Variants in VPS26C observed in about 807,000 individuals in gnomAD.
VPS26C encodes vacuolar protein sorting-associated protein 26C.
A neutral mutation model predicts 30.6 loss-of-function variants in VPS26C; 19 were observed. That is an observed-to-expected ratio of 0.62 (90% CI 0.43 to 0.91). VPS26C has a LOEUF of 0.91. Ranked by LOEUF, VPS26C falls within the 40% of genes least tolerant of loss-of-function variation. The pLI is 0.00. For missense variants in VPS26C, 318 were observed against 385.1 expected (o/e 0.83, Z 1.46); for synonymous variants, 132 against 151.5 (o/e 0.87, Z 0.95).
At chr21:37,247,037 G>A (rs951015095) in intron 1 of VPS26C, among the ~76,000 whole-genome samples, 5 of 152,198 alleles carry the variant, frequency 3.3e-5, no homozygotes, top group Non-Finnish European at 5.9e-5. Context: ...TTACAGGTGT[G>A]AGCCACTGCA....
intron 1 of VPS26C, among the ~76,000 whole-genome samples, chr21:37,265,178 G>A (rs1681609671): frequency 6.6e-6 from 1 of 152,182 alleles, no homozygotes; most frequent in Non-Finnish European, 1.5e-5. Context: ...TTTCTTTTTG[G>A]GGTGAAAATG....
At position 37,227,315 on chromosome 21, in the gene VPS26C, C is replaced by T. The variant is rs148335011; in HGVS notation, c.811+339G>A. ...TCAGCGTCACCTGCCCATGTCTACA[C>T]GGAGCTCAGCGTCACCTGCCCATGT... is the stretch of plus-strand genomic sequence containing the variant. On this transcript the variant is annotated intron_variant, in intron 7 of 7. Transcript: ENST00000309117. The T allele has an allele frequency of 8.3e-3, 2,115 of 253,872 alleles. 15 individuals are homozygous for T. The highest frequency in any genetic ancestry group is 0.012 in the Non-Finnish European group (1,566 of 130,428). The allele number at this position is 253,872 out of a possible 1,614,324, so 15.7% of individuals were successfully genotyped here. A position where few individuals can be genotyped will look rare whatever the true frequency, so the allele number is the denominator to read the frequency against.
Position 37,233,163 on chromosome 21 carries a change from TG to T in VPS26C, c.432+198del. On this transcript the variant is annotated intron_variant, in intron 4 of 7. Transcript: ENST00000309117. This position sits in a 1 kb window ranked among gnomAD's most constrained non-coding sequence, Gnocchi z 5.2. ...AGTCCCTCTGGCCCGCGGCCTCAGC[TG>T]GGGGACTCTGGGCCCAGGACAATGA... 1 of 548,816 alleles carries T rather than the reference TG, an allele frequency of 1.8e-6. No homozygotes were observed. The highest frequency in any genetic ancestry group is 3.3e-6 in the Non-Finnish European group (1 of 304,894). The allele number at this position is 548,816 out of a possible 1,614,324, so 34.0% of individuals were successfully genotyped here. A position where few individuals can be genotyped will look rare whatever the true frequency, so the allele number is the denominator to read the frequency against.
At chr21:37,242,181 G>A (rs1350972234) in intron 1 of VPS26C, among the ~76,000 whole-genome samples, 4 of 152,184 alleles carry the variant, frequency 2.6e-5, no homozygotes, top group Admixed American at 6.5e-5. Flanking sequence ...TTAATTTAAT[G>A]TTCCTAAAAA....
intron 1 of VPS26C, among the ~76,000 whole-genome samples, chr21:37,249,566 A>G (rs1368577335): frequency 6.6e-6 from 1 of 152,270 alleles, no homozygotes; most frequent in African/African-American, 2.4e-5. Context: ...GAAAATTTGA[A>G]GAAATGGCCA....
chr21:37,232,075 C>T, intron 5 of VPS26C: 1 of 370,680 alleles, frequency 2.7e-6, no homozygotes, highest in Non-Finnish European at 4.9e-6. Context: ...AGGGACGTGG[C>T]CGTGTCATGG....
At chr21:37,240,966 G>A (rs1367552748) in intron 1 of VPS26C, among the ~76,000 whole-genome samples, 2 of 152,192 alleles carry the variant, frequency 1.3e-5, no homozygotes, top group Admixed American at 6.5e-5. Context: ...CAAGGAGAAG[G>A]GCCAGGGCAA....
chr21:37,267,240 CG>C lies in VPS26C; in HGVS notation c.54del (p.Glu20LysfsTer22). The C allele has an allele frequency of 1.9e-6, 3 of 1,611,216 alleles. No homozygotes were observed. The highest frequency in any genetic ancestry group is 2.5e-6 in the Non-Finnish European group (3 of 1,177,740). The part of the protein sequence containing the change: ...KIKRANKVYH[A>X]GEVLSGVVVI... ...CCCCACCCCCAGCCCCCACTTACCC[CG>C]GCGTGATAAACTTTATTCGCTCTTT... On this transcript the variant is annotated frameshift_variant, in exon 1 of 8. Transcript: ENST00000309117. LOFTEE classifies it high-confidence loss of function.
intron 1 of VPS26C, among the ~76,000 whole-genome samples, chr21:37,253,584 A>G (rs946770508): frequency 5.9e-5 from 9 of 152,254 alleles, no homozygotes; most frequent in Non-Finnish European, 8.8e-5. Flanking sequence ...GTAAACATTA[A>G]TAAAAGTAAG....
intron 1 of VPS26C, among the ~76,000 whole-genome samples, chr21:37,255,219 G>A (rs547602333): frequency 2.1e-3 from 313 of 152,060 alleles, no homozygotes; most frequent in Non-Finnish European, 3.9e-3. Flanking sequence ...TCTGCCCATC[G>A]GTTCCTAATT....
At chr21:37,255,030 AG>A (rs1034357072) in intron 1 of VPS26C, among the ~76,000 whole-genome samples, 1 of 152,202 alleles carries the variant, frequency 6.6e-6, no homozygotes, top group African/African-American at 2.4e-5. Flanking sequence ...GCAGAGGAGA[AG>A]GGGCAGAAGA....
chr21:37,244,386 C>A (rs1028649193), intron 1 of VPS26C, among the ~76,000 whole-genome samples: 3 of 152,212 alleles, frequency 2.0e-5, no homozygotes, highest in African/African-American at 7.2e-5. Flanking sequence ...TACAGGCATG[C>A]ACCACCACAC....
At chr21:37,250,793 G>A (rs1306524903) in intron 1 of VPS26C, among the ~76,000 whole-genome samples, 7 of 151,514 alleles carry the variant, frequency 4.6e-5, no homozygotes, top group South Asian at 2.1e-4. Flanking sequence ...CCAGCTACTC[G>A]GGAGGCTGAG....
chr21:37,226,958 A>G lies in VPS26C; in HGVS notation c.811+696T>C, dbSNP rs1297728645. On this transcript the variant is annotated intron_variant, in intron 7 of 7. Coordinates refer to ENST00000309117, the MANE Select transcript of VPS26C (RefSeq NM_006052.2). This position sits in a 1 kb window ranked among gnomAD's most constrained non-coding sequence, Gnocchi z 4.1. ...TTCTTATTAAGATGGAGGTCCCATT[A>G]CAATATTTATAGGAAGAGTTAAAAA... The G allele has an allele frequency of 1.3e-5, 2 of 152,272 alleles. No homozygotes were observed. The allele number at this position is 152,272 out of a possible 1,614,324, so 9.4% of individuals were successfully genotyped here. A position where few individuals can be genotyped will look rare whatever the true frequency, so the allele number is the denominator to read the frequency against.
chr21:37,232,736 T>C (rs2085978974), intron 4 of VPS26C: 5 of 520,856 alleles, frequency 9.6e-6, no homozygotes, highest in Non-Finnish European at 1.7e-5. Flanking sequence ...AACAGTGTTA[T>C]TGGCAAGTAC....
chr21:37,238,386 G>A (rs753522414), intron 3 of VPS26C, 74 bp downstream of exon 3: 7 of 1,543,144 alleles, frequency 4.5e-6, no homozygotes, highest in Non-Finnish European at 6.2e-6. Flanking sequence ...GTCTACTAAC[G>A]TTGAGAGAAA....
chr21:37,235,845 G>T (rs2086015042), intron 3 of VPS26C, among the ~76,000 whole-genome samples: 1 of 71,792 alleles, frequency 1.4e-5, no homozygotes, highest in African/African-American at 6.5e-5. Context: ...GTGTGTATAT[G>T]TGTGTGTATA....
At chr21:37,255,850 C>CTTTTTTTTTTTTTTTTTTTTTTT (rs2086236577) in intron 1 of VPS26C, among the ~76,000 whole-genome samples, 1 of 63,488 alleles carries the variant, frequency 1.6e-5, no homozygotes, top group African/African-American at 9.2e-5. Flanking sequence ...CTATGCACTG[C>CTTTTTTTTTTTTTTTTTTTTTTT]ATTTTTTTTT....
upstream of VPS26C, chr21:37,267,390 C>T: frequency 8.8e-7 from 1 of 1,134,724 alleles, no homozygotes; most frequent in Non-Finnish European, 1.3e-6. Flanking sequence ...CGCCCCTTTC[C>T]CTCTCTGCCG....
Sources: allele counts gnomAD v4.1 joint callset (sites outside exome capture counted in the v4.1 genomes callset), GRCh38; gene constraint gnomAD v4.1.1; non-coding constraint Gnocchi (gnomAD v3.1); transcripts MANE v1.5; gene names NCBI Gene and HGNC (gene_info 2026-07-23, HGNC 2026-07-21).